The following PCDHA4 variants were observed in gnomAD, a reference collection of about 807,000 sequenced individuals.
PCDHA4 encodes the protein protocadherin alpha-4.
In PCDHA4, 49 loss-of-function variants were observed where a neutral mutation model predicts 61.4. That is an observed-to-expected ratio of 0.80 (90% CI 0.63 to 1.01). The LOEUF is 1.01. Among genes scored for constraint, PCDHA4 ranks in the 50% least tolerant of loss-of-function variants. The pLI is 0.00. For missense variants in PCDHA4, 1,254 were observed against 1,235.8 expected (o/e 1.01, Z -0.22); for synonymous variants, 590 against 550.3 (o/e 1.07, Z -1.01).
At chr5:140,893,888 G>A (rs1182777052) in intron 1 of PCDHA4, among the ~76,000 whole-genome samples, 1 of 152,128 alleles carries the variant, frequency 6.6e-6, no homozygotes, top group Non-Finnish European at 1.5e-5. Context: ...TGGCCAGAAA[G>A]TTACTTTACC....
intron 3 of PCDHA4, among the ~76,000 whole-genome samples, chr5:141,000,387 C>A (rs868946328): frequency 8.2e-4 from 55 of 66,860 alleles, no homozygotes; most frequent in African/African-American, 2.7e-3. Context: ...CTCTCTCTCT[C>A]TCTCTCTCTA....
At chr5:140,830,445 A>G in intron 1 of PCDHA4, 4 of 1,603,790 alleles carry the variant, frequency 2.5e-6, no homozygotes, top group Non-Finnish European at 3.4e-6. Context: ...ATGATGGGTA[A>G]GGCGGAGAAT....
intron 1 of PCDHA4, chr5:140,882,688 A>G: frequency 1.2e-6 from 2 of 1,614,196 alleles, no homozygotes; most frequent in Non-Finnish European, 8.5e-7. Flanking sequence ...AGAAACGAAT[A>G]ATCATTGCAG....
At chr5:140,865,992 T>C (rs1475339451) in intron 1 of PCDHA4, 1 of 152,212 alleles carries the variant, frequency 6.6e-6, no homozygotes, top group Non-Finnish European at 1.5e-5. Flanking sequence ...CACTAAGTTT[T>C]TTTATGTTAA....
At chr5:140,857,102 A>G in intron 1 of PCDHA4, 1 of 1,597,722 alleles carries the variant, frequency 6.3e-7, no homozygotes, top group Non-Finnish European at 8.6e-7. Context: ...GGTGATTGTC[A>G]CTTCTCTGTC....
intron 1 of PCDHA4, chr5:140,881,180 T>C: frequency 6.0e-6 from 1 of 167,460 alleles, no homozygotes; most frequent in Non-Finnish European, 1.2e-5. Context: ...TTTTCCTTGC[T>C]AAAGATATGT....
chr5:140,837,077 TATAA>T (rs1774901335), intron 1 of PCDHA4: 1 of 173,054 alleles, frequency 5.8e-6, no homozygotes. Context: ...AATCAATACC[TATAA>T]ATGTTATAGT....
At chr5:140,824,130 G>T (rs1554129744) in intron 1 of PCDHA4, 4 of 1,613,078 alleles carry the variant, frequency 2.5e-6, no homozygotes, top group Non-Finnish European at 8.5e-7. Flanking sequence ...CAGACAACGT[G>T]AGTTTTCTAA....
intron 1 of PCDHA4, among the ~76,000 whole-genome samples, chr5:140,847,026 G>T (rs1780819031): frequency 6.7e-6 from 1 of 149,736 alleles, no homozygotes; most frequent in Non-Finnish European, 1.5e-5. Flanking sequence ...TTCTTGGAAA[G>T]AGAAAACATA....
intron 1 of PCDHA4, chr5:140,868,023 T>C (rs2050243779): frequency 6.6e-6 from 1 of 152,096 alleles, no homozygotes; most frequent in Non-Finnish European, 1.5e-5. Flanking sequence ...AGGAAACCAA[T>C]GTTGGTGACT....
At chr5:140,829,769 G>T in intron 1 of PCDHA4, 2 of 1,613,778 alleles carry the variant, frequency 1.2e-6, no homozygotes, top group Non-Finnish European at 8.5e-7. Flanking sequence ...GGACGAGAAC[G>T]ACAACGCGCC....
chr5:140,992,017 C>CTGTGTGTGTGTG (rs10602499), intron 3 of PCDHA4, among the ~76,000 whole-genome samples: 10 of 145,628 alleles, frequency 6.9e-5, no homozygotes, highest in African/African-American at 2.3e-4. Flanking sequence ...AGAGGTGGCT[C>CTGTGTGTGTGTG]TGTGTGTGTG....
chr5:140,942,545 G>T (rs981508818), intron 1 of PCDHA4, among the ~76,000 whole-genome samples: 1 of 151,970 alleles, frequency 6.6e-6, no homozygotes, highest in Non-Finnish European at 1.5e-5. Flanking sequence ...ATGGTGGGGG[G>T]TAGGGGGTTG....
intron 3 of PCDHA4, among the ~76,000 whole-genome samples, chr5:141,002,682 G>C (rs536105955): frequency 6.6e-6 from 1 of 152,140 alleles, no homozygotes; most frequent in African/African-American, 2.4e-5. Context: ...CCTATACGAC[G>C]TGCAGATTTG....
At chr5:140,958,759 A>G (rs1254935099) in intron 1 of PCDHA4, among the ~76,000 whole-genome samples, 2 of 152,112 alleles carry the variant, frequency 1.3e-5, no homozygotes, top group African/African-American at 4.8e-5. Flanking sequence ...ATTTTTACCC[A>G]TTTCTGTTTG....
chr5:140,880,449 T>G (rs2058348423), intron 1 of PCDHA4, among the ~76,000 whole-genome samples: 1 of 152,024 alleles, frequency 6.6e-6, no homozygotes. Flanking sequence ...TAGTAGAAAA[T>G]GAAAACAGAT....
Position 140,807,990 on chromosome 5 carries a change from A to T in PCDHA4, c.803A>T (p.Asp268Val). ...TTGGTAATTAAACTTAACGCCTCAG[A>T]TTTAGACGAAGGATTGAATGGGGAC... The part of the protein sequence containing the change: ...GTLVIKLNAS[D>V]LDEGLNGDIV... Residue 268 changes from aspartate to valine, a missense_variant, in exon 1 of 4, where the codon GAT becomes GTT. By Grantham distance (152) the Asp-to-Val change is radical. Coordinates refer to ENST00000530339, the MANE Select transcript of PCDHA4 (RefSeq NM_018907.4). The T allele has an allele frequency of 1.2e-6, 2 of 1,613,728 alleles. No individual in the cohort carries two copies. Among genetic ancestry groups the T allele is most frequent in the Non-Finnish European group, 1.7e-6 (2 of 1,179,614 alleles).
chr5:140,998,708 G>A (rs2153953637), intron 3 of PCDHA4, among the ~76,000 whole-genome samples: 1 of 152,142 alleles, frequency 6.6e-6, no homozygotes, highest in South Asian at 2.1e-4. Context: ...GGGATTACAA[G>A]CTTGCACCAC....
chr5:140,950,110 C>A (rs542585854), intron 1 of PCDHA4, among the ~76,000 whole-genome samples: 23 of 151,848 alleles, frequency 1.5e-4, no homozygotes, highest in African/African-American at 5.5e-4. Context: ...AAATCTCATA[C>A]AATACAAAAC....
Sources: gnomAD v4.1 joint callset for allele counts (sites outside exome capture counted in the v4.1 genomes callset) on GRCh38, gnomAD v4.1.1 for gene constraint, MANE v1.5 for transcripts, NCBI Gene and HGNC (gene_info 2026-07-23, HGNC 2026-07-21) for gene names.